The following CEP135 variants were observed in gnomAD, a reference collection of about 807,000 sequenced individuals.
CEP135 encodes centrosomal protein of 135 kDa.
A neutral mutation model predicts 157.3 loss-of-function variants in CEP135; 142 were observed. The ratio of observed to expected loss-of-function variants is 0.90; its 90% CI spans 0.79 to 1.04. CEP135 has a LOEUF of 1.04. Ranked by LOEUF, CEP135 falls within the 50% of genes least tolerant of loss-of-function variation. The pLI is 0.00. For missense variants in CEP135, 1,317 were observed against 1,309.2 expected (o/e 1.01, Z -0.09); for synonymous variants, 396 against 439.8 (o/e 0.90, Z 1.25).
intron 5 of CEP135, among the ~76,000 whole-genome samples, chr4:55,957,856 G>A (rs560774576): frequency 1.5e-4 from 23 of 152,308 alleles, no homozygotes; most frequent in African/African-American, 5.1e-4. Flanking sequence ...GCAAGGCACT[G>A]TGTAAGTGTT....
chr4:55,999,769 T>TG (rs1197686397), intron 17 of CEP135, 124 bp downstream of exon 17: 1 of 899,238 alleles, frequency 1.1e-6, no homozygotes, highest in Non-Finnish European at 1.7e-6. Flanking sequence ...CACAGCTCAC[T>TG]GCAACCCCTA....
chr4:56,013,634 TA>T (rs1730669424), intron 21 of CEP135, among the ~76,000 whole-genome samples: 1 of 152,170 alleles, frequency 6.6e-6, no homozygotes, highest in Non-Finnish European at 1.5e-5. Flanking sequence ...AATCTCATAA[TA>T]AAAAATTTGA....
chr4:56,024,672 A>G, intron 25 of CEP135, 58 bp downstream of exon 25: 1 of 1,217,454 alleles, frequency 8.2e-7, no homozygotes, highest in Non-Finnish European at 1.2e-6. Context: ...AAATTCAGAA[A>G]GTAGTTTTCT....
intron 8 of CEP135, 105 bp downstream of exon 8, chr4:55,965,964 G>T: frequency 1.0e-6 from 1 of 984,730 alleles, no homozygotes; most frequent in East Asian, 2.6e-5. Flanking sequence ...GGTTTATTTT[G>T]TGTGTCTGTT....
At chr4:55,969,941 T>C (rs2109664855) in intron 9 of CEP135, among the ~76,000 whole-genome samples, 1 of 152,178 alleles carries the variant, frequency 6.6e-6, no homozygotes, top group East Asian at 1.9e-4. Context: ...GGCATGATCA[T>C]AGCTCCCTGC....
chr4:55,992,956 CCTCT>C (rs1729842607), intron 15 of CEP135, among the ~76,000 whole-genome samples: 1 of 152,072 alleles, frequency 6.6e-6, no homozygotes, highest in African/African-American at 2.4e-5. Context: ...TGAGGAAATA[CCTCT>C]CTCTAAATTA....
intron 14 of CEP135, among the ~76,000 whole-genome samples, 161 bp from the exon 15 acceptor site, chr4:55,991,773 C>T (rs1729804755): frequency 6.6e-6 from 1 of 152,154 alleles, no homozygotes; most frequent in African/African-American, 2.4e-5. Flanking sequence ...TACACCCATT[C>T]TGACTCTTAG....
At chr4:56,011,262 G>C (rs1054348726) in intron 19 of CEP135, 150 bp from the exon 20 acceptor site, 1 of 578,522 alleles carries the variant, frequency 1.7e-6, no homozygotes, top group Middle Eastern at 4.8e-4. Context: ...AGATCAGCCA[G>C]GAAAAATATG....
chr4:55,950,237 C>T (rs1351687386), intron 1 of CEP135, among the ~76,000 whole-genome samples: 1 of 152,076 alleles, frequency 6.6e-6, no homozygotes, highest in African/African-American at 2.4e-5. Context: ...ACTTTGTGGC[C>T]CCGTGGTTTT....
In CEP135 at chr4:55,953,096, A is replaced by G. The variant is rs925750550; in HGVS notation, c.125A>G (p.His42Arg). The change falls in exon 3 of 26, where the codon CAT becomes CGT. Residue 42 changes from histidine to arginine, a missense_variant. Transcript: ENST00000257287. ...LVEKLFSDLVHTTESLRQSKL... is the reference protein window; with the variant it reads ...LVEKLFSDLVRTTESLRQSKL... ...TTCTGTTCTTTTAGCGACTTAGTTC[A>G]TACAACTGAGAGCCTTCGGCAATCA... 8.2e-6 allele frequency: 13 copies of G among 1,576,706 alleles called. No individual in the cohort carries two copies. The highest frequency in any genetic ancestry group is 1.4e-5 in the African/African-American group (1 of 72,370).
Position 55,957,226 on chromosome 4 carries a change from G to T in CEP135, c.476G>T (p.Gly159Val). Residue 159 changes from glycine to valine, a missense_variant, in exon 5 of 26, where the codon GGC becomes GTC. Coordinates refer to ENST00000257287, the MANE Select transcript of CEP135 (RefSeq NM_025009.5). ...NLHAVVQTPG[G>V]KKRSIAFRRQ... ...TTAAGACACTCATTCTTTTTAGGTG[G>T]CAAGAAAAGAAGTATTGCTTTCAGG... 1 of 1,610,800 alleles carries T rather than the reference G, an allele frequency of 6.2e-7. No individual in the cohort carries two copies. Among genetic ancestry groups the T allele is most frequent in the Non-Finnish European group, 8.5e-7 (1 of 1,179,234 alleles).
intron 24 of CEP135, among the ~76,000 whole-genome samples, chr4:56,023,656 TATATA>T (rs1366094613): frequency 1.4e-5 from 2 of 144,012 alleles, no homozygotes; most frequent in Non-Finnish European, 3.0e-5. Context: ...ATACATATAA[TATATA>T]ATATACTAAT....
intron 13 of CEP135, among the ~76,000 whole-genome samples, chr4:55,982,409 A>G (rs1729442177): frequency 6.6e-6 from 1 of 152,098 alleles, no homozygotes; most frequent in Admixed American, 6.6e-5. Context: ...TAAAAGTTCT[A>G]ATTTCTCCAC....
chr4:56,003,751 C>T (rs1243492356), intron 17 of CEP135, among the ~76,000 whole-genome samples: 1 of 150,996 alleles, frequency 6.6e-6, no homozygotes, highest in African/African-American at 2.4e-5. Flanking sequence ...GACAGAGTCT[C>T]ACTGTATTGC....
chr4:56,029,254 G>A (rs1466943180), intron 25 of CEP135, among the ~76,000 whole-genome samples: 4 of 152,166 alleles, frequency 2.6e-5, no homozygotes, highest in Admixed American at 2.6e-4. Context: ...TTTTATGCAG[G>A]TATCACTAAG....
chr4:55,984,536 A>G (rs1025954769), intron 13 of CEP135, among the ~76,000 whole-genome samples: 2 of 152,176 alleles, frequency 1.3e-5, no homozygotes, highest in African/African-American at 4.8e-5. Flanking sequence ...ACTCACTACT[A>G]TATTCTTGAG....
At chr4:55,971,754 GT>G (rs950050250) in intron 10 of CEP135, among the ~76,000 whole-genome samples, 3 of 152,140 alleles carry the variant, frequency 2.0e-5, no homozygotes, top group Non-Finnish European at 4.4e-5. Context: ...AGGAAATGCA[GT>G]TATATTATCT....
In CEP135 at chr4:55,957,376, A is replaced by C; in HGVS notation, c.614+12A>C. On this transcript the variant is annotated intron_variant, in intron 5 of 25. Coordinates refer to ENST00000257287, the MANE Select transcript of CEP135 (RefSeq NM_025009.5). ...GTGGCTGATAACAGGTGCATTAAAT[A>C]ATTCTTTCTTGGCTTGAGTTAATTG... 1 of 1,604,698 alleles carries C rather than the reference A, an allele frequency of 6.2e-7. No homozygotes were observed. The highest frequency in any genetic ancestry group is 8.5e-7 in the Non-Finnish European group (1 of 1,177,618).
At position 55,959,723 on chromosome 4, in the gene CEP135, A is replaced by G. The variant is rs749824236; in HGVS notation, c.656A>G (p.Lys219Arg). Residue 219 changes from lysine to arginine, a missense_variant, in exon 6 of 26, where the codon AAG becomes AGG. Transcript: ENST00000257287. The part of the protein sequence containing the change: ...LQQEVHQLQE[K>R]LAMMESGVRD... The stretch of plus-strand genomic sequence containing the variant: ...CAGGAAGTCCACCAGCTACAAGAAA[A>G]GTTAGCAATGATGGAAAGTGGGGTG... 7 of 1,614,010 alleles carry G rather than the reference A, an allele frequency of 4.3e-6. No individual in the cohort carries two copies. The highest frequency in any genetic ancestry group is 5.9e-6 in the Non-Finnish European group (7 of 1,179,974).
Sources: gnomAD v4.1 joint callset for allele counts (sites outside exome capture counted in the v4.1 genomes callset) on GRCh38, gnomAD v4.1.1 for gene constraint, MANE v1.5 for transcripts, NCBI Gene and HGNC (gene_info 2026-07-23, HGNC 2026-07-21) for gene names.